Variants in EMX1 observed in about 807,000 individuals in gnomAD.
The protein encoded by EMX1 is homeobox protein EMX1.
EMX1 carries 10 observed loss-of-function variants against 20.1 expected under a neutral mutation model. That is an observed-to-expected ratio of 0.50 (90% CI 0.31 to 0.84). EMX1 has a LOEUF of 0.84. Ranked by LOEUF, EMX1 falls within the 40% of genes least tolerant of loss-of-function variation. The pLI is 0.05. For missense variants in EMX1, 424 were observed against 431.9 expected (o/e 0.98, Z 0.16); for synonymous variants, 250 against 200.4 (o/e 1.25, Z -2.09).
At chr2:72,921,903 T>A (rs1049786236) in intron 1 of EMX1, among the ~76,000 whole-genome samples, 2 of 152,160 alleles carry the variant, frequency 1.3e-5, no homozygotes, top group Admixed American at 6.5e-5. Context: ...CTCATCTGGG[T>A]TTATAAAGAC....
intron 1 of EMX1, among the ~76,000 whole-genome samples, chr2:72,918,707 G>A (rs2105260858): frequency 6.6e-6 from 1 of 152,348 alleles, no homozygotes; most frequent in East Asian, 1.9e-4. Context: ...TCTCAGACCA[G>A]AGTACAACTC....
In EMX1 at chr2:72,918,244, A is replaced by T. The variant is rs779584501; in HGVS notation, c.392A>T (p.His131Leu). The change falls in exon 1 of 3, where the codon CAT (histidine) becomes CTT (leucine). Residue 131 changes from histidine to leucine, a missense_variant. His to Leu is a moderately conservative substitution (Grantham distance 99, BLOSUM62 -3). Around this residue, in one of 2 missense-constraint regions of EMX1, gnomAD observed 333 missense variants for 296.6 expected, o/e 1.12. Coordinates refer to ENST00000258106, the MANE Select transcript of EMX1 (RefSeq NM_004097.3). ...EAMNHPALTV[H>L]PAHQLGASPL... is the part of the protein sequence containing the mutation. ...ATGAACCACCCCGCGCTGACCGTGC[A>T]TCCGGCGCACCAGCTGGGCGCCTCC... The T allele has an allele frequency of 6.3e-7, 1 of 1,580,814 alleles. No homozygotes were observed. Among genetic ancestry groups the T allele is most frequent in the African/African-American group, 1.4e-5 (1 of 72,526 alleles).
rs1559056985 is a variant in EMX1, at chr2:72,918,267, T to A, written c.415T>A (p.Ser139Thr). 6.3e-7 allele frequency: 1 copy of A among 1,577,044 alleles called. No homozygotes were observed. Among genetic ancestry groups the A allele is most frequent in the Non-Finnish European group, 8.5e-7 (1 of 1,172,192 alleles). The part of the protein sequence containing the change: ...TVHPAHQLGA[S>T]PLQPPHSFFG... ...GCATCCGGCGCACCAGCTGGGCGCC[T>A]CCCCGCTGCAGCCCCCGCACTCCTT... Residue 139 changes from serine (S) to threonine (T), a missense_variant, in exon 1 of 3, where the codon TCC becomes ACC. By Grantham distance (58) the Ser-to-Thr change is moderately conservative. Around this residue, in one of 2 missense-constraint regions of EMX1, gnomAD observed 333 missense variants for 296.6 expected, o/e 1.12. Transcript: ENST00000258106.
intron 1 of EMX1, among the ~76,000 whole-genome samples, chr2:72,921,655 A>T (rs557167231): frequency 1.3e-5 from 2 of 152,136 alleles, no homozygotes; most frequent in African/African-American, 4.8e-5. Flanking sequence ...TAGCATCTTG[A>T]CTCATCCTGC....
chr2:72,921,520 C>T (rs867644117), intron 1 of EMX1, among the ~76,000 whole-genome samples: 2 of 152,250 alleles, frequency 1.3e-5, no homozygotes, highest in Middle Eastern at 3.4e-3. Context: ...AAGGCATCAC[C>T]CTTGTCTTTG....
At chr2:72,918,631 C>A (rs1380603240) in intron 1 of EMX1, among the ~76,000 whole-genome samples, 1 of 152,260 alleles carries the variant, frequency 6.6e-6, no homozygotes, top group African/African-American at 2.4e-5. Flanking sequence ...CAAGCCCAGG[C>A]GCGTCCTCGG....
Position 72,917,903 on chromosome 2 carries a change from A to T in EMX1, c.51A>T (p.Gly17=). The change falls in exon 1 of 3, where the codon GGA becomes GGT. Residue 17 remains glycine, a synonymous_variant. Coordinates refer to ENST00000258106, the MANE Select transcript of EMX1 (RefSeq NM_004097.3). ...TPRKAAAPGR[G]ALPRARLPRT... ...GCAAGGCGGCGGCGCCAGGACGCGG[A>T]GCGCTCCCCAGAGCCCGGCTGCCTC... 1 of 1,481,280 alleles carries T rather than the reference A, an allele frequency of 6.8e-7. No homozygotes were observed. Among genetic ancestry groups the T allele is most frequent in the South Asian group, 1.3e-5 (1 of 79,042 alleles). 91.8% of individuals were successfully genotyped at this position (1,481,280 alleles called of 1,614,324 possible).
At chr2:72,926,429 T>A in intron 2 of EMX1, 1 of 501,294 alleles carries the variant, frequency 2.0e-6, no homozygotes, top group Non-Finnish European at 2.6e-6. Context: ...TTCCCGTCTG[T>A]AAATGAGCTG....
At chr2:72,924,695 C>CT (rs1671165006) in intron 2 of EMX1, among the ~76,000 whole-genome samples, 1 of 152,226 alleles carries the variant, frequency 6.6e-6, no homozygotes, top group Non-Finnish European at 1.5e-5. Flanking sequence ...GCCCGCAGGA[C>CT]TTTTGTCAAG....
In EMX1 at chr2:72,918,173, G is replaced by C; in HGVS notation, c.321G>C (p.Ala107=). Residue 107 remains alanine, a synonymous_variant, in exon 1 of 3, where the codon GCG becomes GCC. Transcript: ENST00000258106. ...TCCCTGCCGCGGCCGCCGCGGGCGC[G>C]GGCCGCTCGCTCTACGGTGGGCCCG... ...SGFPAAAAAG[A]GRSLYGGPEL... The C allele has an allele frequency of 1.3e-6, 2 of 1,517,024 alleles. No individual in the cohort carries two copies. The highest frequency in any genetic ancestry group is 1.2e-5 in the South Asian group (1 of 80,656). The allele number at this position is 1,517,024 out of a possible 1,614,324, so 94.0% of individuals were successfully genotyped here. A position where few individuals can be genotyped will look rare whatever the true frequency, so the allele number is the denominator to read the frequency against.
upstream of EMX1, chr2:72,916,745 G>C: frequency 1.4e-6 from 1 of 717,422 alleles, no homozygotes. Context: ...GCCCTGACCT[G>C]GTCCGGCCCG....
chr2:72,922,978 A>T (rs945631142), intron 1 of EMX1, among the ~76,000 whole-genome samples: 5 of 152,324 alleles, frequency 3.3e-5, no homozygotes, highest in South Asian at 4.1e-4. Flanking sequence ...TTGGTGCATC[A>T]GGAGGCTGTT....
Position 72,924,463 on chromosome 2 carries a change from G to T in EMX1, c.675G>T (p.Leu225=). The part of the protein sequence containing the change: ...HYVVGAERKQ[L]AGSLSLSETQ... ...TGGTGGGCGCCGAGCGGAAGCAGCT[G>T]GCCGGCAGTCTCAGCCTCTCCGAGA... The change falls in exon 2 of 3, where the codon CTG becomes CTT. Residue 225 remains leucine, a synonymous_variant. Coordinates refer to ENST00000258106, the MANE Select transcript of EMX1 (RefSeq NM_004097.3). The T allele has an allele frequency of 1.3e-6, 2 of 1,595,560 alleles. No homozygotes were observed. Among genetic ancestry groups the T allele is most frequent in the Non-Finnish European group, 1.7e-6 (2 of 1,175,752 alleles).
chr2:72,929,595 C>G (rs557203962), intron 2 of EMX1, among the ~76,000 whole-genome samples: 1 of 152,324 alleles, frequency 6.6e-6, no homozygotes, highest in African/African-American at 2.4e-5. Context: ...TATTTGAAAT[C>G]TTTGAAGACA....
At chr2:72,927,153 A>G (rs1255289614) in intron 2 of EMX1, among the ~76,000 whole-genome samples, 1 of 152,222 alleles carries the variant, frequency 6.6e-6, no homozygotes, top group Admixed American at 6.5e-5. Flanking sequence ...TATTAGTTAT[A>G]TGTTCTTCCT....
rs1671259223 is a variant in EMX1, at chr2:72,930,141, C to CCTCT, written c.706-3645_706-3642dup. On this transcript the variant is annotated intron_variant, in intron 2 of 2. Transcript: ENST00000258106. This position sits in a 1 kb window ranked among gnomAD's most constrained non-coding sequence, Gnocchi z 4.4. ...CTGTTTTCCAGGTCTGGCCCAGGTA[C>CCTCT]CTCTTGCCTAGAGCATAGGCTTGTC... Among the ~76,000 whole-genome samples, 1 of 152,224 alleles carries CCTCT rather than the reference C, an allele frequency of 6.6e-6. No homozygotes were observed. Among genetic ancestry groups the CCTCT allele is most frequent in the South Asian group, 2.1e-4 (1 of 4,830 alleles).
At chr2:72,916,976 C>A (rs1040906070), upstream of EMX1, 34 of 712,790 alleles carry the variant, frequency 4.8e-5, no homozygotes, top group African/African-American at 5.8e-4. Context: ...CGTCCCCTTT[C>A]CAGAGCTGTC....
At chr2:72,923,946 A>G (rs868672599) in intron 1 of EMX1, 4 of 370,422 alleles carry the variant, frequency 1.1e-5, no homozygotes, top group South Asian at 3.1e-5. Flanking sequence ...AAAGAGCGCC[A>G]TGGACTTTTC....
chr2:72,920,752 C>T (rs775164468), intron 1 of EMX1, among the ~76,000 whole-genome samples: 4 of 152,236 alleles, frequency 2.6e-5, no homozygotes, highest in Non-Finnish European at 5.9e-5. Context: ...AAAGCGAATG[C>T]GGAATCGTCC....
Sources: allele counts gnomAD v4.1 joint callset (sites outside exome capture counted in the v4.1 genomes callset), GRCh38; gene constraint gnomAD v4.1.1; regional missense constraint gnomAD v4.1.1; non-coding constraint Gnocchi (gnomAD v3.1); transcripts MANE v1.5; gene names NCBI Gene and HGNC (gene_info 2026-07-23, HGNC 2026-07-21).